Variants in MAPKAP1 observed in about 807,000 individuals in gnomAD.
The protein encoded by MAPKAP1 is target of rapamycin complex 2 subunit MAPKAP1.
MAPKAP1 carries 20 observed loss-of-function variants against 65.7 expected under a neutral mutation model. That is an observed-to-expected ratio of 0.30 (90% CI 0.21 to 0.44). The LOEUF (loss-of-function observed/expected upper bound fraction) is 0.44. Among genes scored for constraint, MAPKAP1 ranks in the 20% least tolerant of loss-of-function variants. The pLI, the probability that MAPKAP1 is intolerant of heterozygous loss-of-function variation, is 1.00. For missense variants in MAPKAP1, 423 were observed against 648.0 expected, an observed-to-expected ratio of 0.65 and a Z score of 3.77; for synonymous variants, 222 against 244.3, an observed-to-expected ratio of 0.91 and a Z score of 0.85.
Position 125,440,820 on chromosome 9 carries a change from G to C in MAPKAP1, c.1444-1808C>G, listed in dbSNP as rs570351642. ...GGGACAATACAGTGTATGGAAATAA[G>C]AGGTTTTATCATTCTTAATACAAGA... On this transcript the variant is annotated intron_variant, in intron 11 of 11. Coordinates refer to ENST00000265960, the MANE Select transcript of MAPKAP1 (RefSeq NM_001006617.3). Among the ~76,000 whole-genome samples the C allele has an allele frequency of 2.0e-5, 3 of 152,350 alleles. No individual in the cohort carries two copies. The East Asian group carries it at 5.8e-4, about 29-fold the overall frequency.
intron 7 of MAPKAP1, among the ~76,000 whole-genome samples, chr9:125,537,914 C>CT (rs1186535498): frequency 6.6e-6 from 1 of 152,208 alleles, no homozygotes; most frequent in Non-Finnish European, 1.5e-5. Flanking sequence ...AGCAGGTCCA[C>CT]AGTGGGTCAC....
intron 5 of MAPKAP1, among the ~76,000 whole-genome samples, chr9:125,575,843 A>G (rs1358553609): frequency 6.6e-6 from 1 of 152,188 alleles, no homozygotes; most frequent in Non-Finnish European, 1.5e-5. Flanking sequence ...ACACTCCTAC[A>G]TATTTGCCCA....
intron 4 of MAPKAP1, among the ~76,000 whole-genome samples, chr9:125,585,999 G>A (rs1831772774): frequency 6.6e-6 from 1 of 152,208 alleles, no homozygotes; most frequent in Admixed American, 6.5e-5. Context: ...GGTGAGTAGA[G>A]TTCATGTTTG....
Position 125,652,283 on chromosome 9 carries a change from T to C in MAPKAP1, c.498+5368A>G, listed in dbSNP as rs769556026. 1.4e-5 allele frequency: 17 copies of C among 1,209,464 alleles called. No homozygotes were observed. The East Asian group carries it at 1.5e-4, about 11-fold the overall frequency. The allele number at this position is 1,209,464 out of a possible 1,614,324, so 74.9% of individuals were successfully genotyped here. A position where few individuals can be genotyped will look rare whatever the true frequency, so the allele number is the denominator to read the frequency against. ...CTGAAACAAGAGCAGCATGCAAAAA[T>C]GTATTTAAGGACTATCATCCCAAAA... On this transcript the variant is annotated intron_variant, in intron 4 of 11. Transcript: ENST00000265960.
chr9:125,522,368 C>G (rs1327247331), intron 7 of MAPKAP1, among the ~76,000 whole-genome samples: 1 of 152,212 alleles, frequency 6.6e-6, no homozygotes, highest in Non-Finnish European at 1.5e-5. Flanking sequence ...TGAATTAAAT[C>G]AGTTGGTTCA....
chr9:125,502,192 C>G (rs1377936490), intron 8 of MAPKAP1, among the ~76,000 whole-genome samples: 2 of 151,904 alleles, frequency 1.3e-5, no homozygotes, highest in African/African-American at 4.8e-5. Flanking sequence ...ACCTCCACCT[C>G]CCAGGTTCAA....
At chr9:125,644,112 A>G (rs1364089471) in intron 4 of MAPKAP1, among the ~76,000 whole-genome samples, 1 of 152,244 alleles carries the variant, frequency 6.6e-6, no homozygotes, top group East Asian at 1.9e-4. Flanking sequence ...GGGAATGGAG[A>G]GATCAGAAAG....
At position 125,615,209 on chromosome 9, in the gene MAPKAP1, C is replaced by CTA. The variant is rs569946098; in HGVS notation, c.499-29484_499-29483dup. On this transcript the variant is annotated intron_variant, in intron 4 of 11. Transcript: ENST00000265960. Reference sequence around the variant, plus strand: ...GAATCAATCTAACAACAATGACAAACTATATATATATATGACTTCCATGGA... The same window carrying CTA: ...GAATCAATCTAACAACAATGACAAACTATATATATATATATGACTTCCATGGA... Among the ~76,000 whole-genome samples the CTA allele has an allele frequency of 6.6e-4, 99 of 151,104 alleles. No individual in the cohort carries two copies. The East Asian group carries it at 0.012, about 18-fold the overall frequency.
At chr9:125,644,719 C>T (rs759067973) in intron 4 of MAPKAP1, among the ~76,000 whole-genome samples, 2 of 152,164 alleles carry the variant, frequency 1.3e-5, no homozygotes, top group Non-Finnish European at 2.9e-5. Flanking sequence ...GAAACTGGTT[C>T]TATTTTAATT....
chr9:125,689,264 CACCTCTACTAA>C (rs1333606948), intron 1 of MAPKAP1, among the ~76,000 whole-genome samples: 1 of 151,502 alleles, frequency 6.6e-6, no homozygotes, highest in Non-Finnish European at 1.5e-5. Flanking sequence ...GGTGAAACCC[CACCTCTACTAA>C]AAATACAAAA....
intron 1 of MAPKAP1, among the ~76,000 whole-genome samples, chr9:125,689,043 C>T (rs1020303390): frequency 3.9e-5 from 6 of 152,156 alleles, no homozygotes; most frequent in South Asian, 2.1e-4. Flanking sequence ...ACATACTACA[C>T]GCTGAGGGTT....
chr9:125,444,899 C>T (rs925643113), intron 10 of MAPKAP1, among the ~76,000 whole-genome samples: 2 of 152,106 alleles, frequency 1.3e-5, no homozygotes, highest in Non-Finnish European at 1.5e-5. Flanking sequence ...CAAAAGGTGG[C>T]GTTTTTAAGG....
At chr9:125,545,969 C>A (rs1472821039) in intron 6 of MAPKAP1, among the ~76,000 whole-genome samples, 1 of 152,320 alleles carries the variant, frequency 6.6e-6, no homozygotes, top group Non-Finnish European at 1.5e-5. Flanking sequence ...ATATGTATCA[C>A]CATGCTACAC....
At chr9:125,574,175 A>G (rs774198942) in intron 5 of MAPKAP1, among the ~76,000 whole-genome samples, 6 of 152,228 alleles carry the variant, frequency 3.9e-5, no homozygotes, top group Non-Finnish European at 5.9e-5. Context: ...TGCAGTGATC[A>G]CATTTCTCTT....
At chr9:125,651,821 C>T (rs766536026) in intron 4 of MAPKAP1, among the ~76,000 whole-genome samples, 29 of 152,158 alleles carry the variant, frequency 1.9e-4, no homozygotes, top group Non-Finnish European at 3.7e-4. Flanking sequence ...GCACCCCCAC[C>T]AGTTGAGTAG....
chr9:125,634,804 C>G (rs887297871), intron 4 of MAPKAP1, among the ~76,000 whole-genome samples: 3 of 152,202 alleles, frequency 2.0e-5, no homozygotes, highest in African/African-American at 7.2e-5. Flanking sequence ...CTTTAAACTA[C>G]TTTCACGAGC....
rs144016150 is a variant in MAPKAP1, at chr9:125,682,932, T to C, written c.-69-10289A>G. On this transcript the variant is annotated intron_variant, in intron 1 of 11. Transcript: ENST00000265960. ...ACTGCCTTCATGGATCTTCTGAGGG[T>C]GGACCCAGTAGATAGAATTTTAAAT... Among the ~76,000 whole-genome samples, 1,175 of 151,772 alleles carry C rather than the reference T, an allele frequency of 7.7e-3. 8 individuals carry two copies. Among genetic ancestry groups the C allele is most frequent in the African/African-American group, 0.025 (1,054 of 41,350 alleles).
intron 4 of MAPKAP1, among the ~76,000 whole-genome samples, chr9:125,624,077 G>A (rs1833006604): frequency 8.8e-5 from 2 of 22,782 alleles, no homozygotes; most frequent in Non-Finnish European, 2.8e-4. Context: ...TCTGGGAGGT[G>A]AGGGGCGCCT....
chr9:125,494,602 C>T (rs1205809424), intron 8 of MAPKAP1, among the ~76,000 whole-genome samples: 1 of 152,166 alleles, frequency 6.6e-6, no homozygotes, highest in African/African-American at 2.4e-5. Flanking sequence ...GCGGGGCCTA[C>T]GAGGCTCTGC....
Sources: gnomAD v4.1 joint callset for allele counts (sites outside exome capture counted in the v4.1 genomes callset) on GRCh38, gnomAD v4.1.1 for gene constraint, MANE v1.5 for transcripts, NCBI Gene and HGNC (gene_info 2026-07-23, HGNC 2026-07-21) for gene names.